Variants in DSP observed in about 807,000 individuals in gnomAD.
DSP encodes the protein desmoplakin.
Under a neutral mutation model 290.6 loss-of-function variants are expected in DSP, and 114 were observed. The ratio of observed to expected loss-of-function variants is 0.39; its 90% CI spans 0.34 to 0.46. DSP has a LOEUF of 0.46. Among genes scored for constraint, DSP ranks in the 20% least tolerant of loss-of-function variants. The probability of loss-of-function intolerance (pLI) is 0.99; values close to 1 mark genes in which losing one functional copy is unlikely to be tolerated. For synonymous variants in DSP, 1,311 were observed against 1,316.4 expected, an observed-to-expected ratio of 1.00 and a Z score of 0.09; for missense variants, 3,230 against 3,495.8, an observed-to-expected ratio of 0.92 and a Z score of 1.92.
At chr6:7,549,979 T>A (rs1198812632) in intron 1 of DSP, among the ~76,000 whole-genome samples, 3 of 152,076 alleles carry the variant, frequency 2.0e-5, no homozygotes, top group Non-Finnish European at 4.4e-5. Context: ...TTTGTCTTGT[T>A]TTTTTGTGTT....
chr6:7,566,955 G>A (rs1758881965), intron 8 of DSP, among the ~76,000 whole-genome samples: 1 of 152,144 alleles, frequency 6.6e-6, no homozygotes. Flanking sequence ...AAGAATCACT[G>A]TCTTGAGCCC....
intron 1 of DSP, among the ~76,000 whole-genome samples, chr6:7,554,125 A>ACACACACACG (rs772041102): frequency 6.9e-6 from 1 of 144,400 alleles, no homozygotes; most frequent in Non-Finnish European, 1.5e-5. Context: ...ACACACACAC[A>ACACACACACG]CCCAGTTGGT....
intron 8 of DSP, among the ~76,000 whole-genome samples, chr6:7,566,991 G>A (rs970914427): frequency 2.0e-5 from 3 of 152,042 alleles, no homozygotes; most frequent in South Asian, 2.1e-4. Context: ...TGGATGCCTC[G>A]AACCTCCCCA....
chr6:7,574,081 G>C lies in DSP; in HGVS notation c.2131-5G>C, dbSNP rs767939332. 3.0e-5 allele frequency: 48 copies of C among 1,613,840 alleles called. No individual in the cohort carries two copies. The highest frequency in any genetic ancestry group is 3.9e-5 in the Non-Finnish European group (46 of 1,179,950). On this transcript the variant is annotated splice_polypyrimidine_tract_variant and splice_region_variant and intron_variant, in intron 15 of 23. Transcript: ENST00000379802. ...ATCAAAAGAGCTTTCCTTCATTTTT[G>C]ACAGAGTGTGCAGAATGATTCACAA...
intron 5 of DSP, among the ~76,000 whole-genome samples, 194 bp downstream of exon 5, chr6:7,562,974 AGAG>A (rs1269782381): frequency 6.6e-6 from 1 of 152,234 alleles, no homozygotes; most frequent in Non-Finnish European, 1.5e-5. Context: ...TAACACTTGA[AGAG>A]GAGTTAAACC....
At position 7,541,828 on chromosome 6, in the gene DSP, G is replaced by A; in HGVS notation, c.-88G>A. 1.4e-6 allele frequency: 2 copies of A among 1,474,270 alleles called. No individual in the cohort carries two copies. The highest frequency in any genetic ancestry group is 1.4e-5 in the African/African-American group (1 of 70,804). The allele number at this position is 1,474,270 out of a possible 1,614,324, so 91.3% of individuals were successfully genotyped here. A position where few individuals can be genotyped will look rare whatever the true frequency, so the allele number is the denominator to read the frequency against. Reference sequence around the variant, plus strand: ...CTCCCGCCCGGTTCCCCGGCCGTCCGCCTATCCTTGGCCCCCTCCGCTTTC... The same window carrying A: ...CTCCCGCCCGGTTCCCCGGCCGTCCACCTATCCTTGGCCCCCTCCGCTTTC... On this transcript the variant is annotated 5_prime_UTR_variant, in exon 1 of 24. Transcript: ENST00000379802.
rs1183241371 is a variant in DSP at position 7,577,803 on chromosome 6, T to C, written c.2902T>C (p.Tyr968His). The part of the protein sequence containing the change: ...IKDYELQLAS[Y>H]TSGLETLLNI... ...GGATTATGAGCTCCAGCTGGCCTCA[T>C]ACACCTCAGGACTGGAAACTCTGCT... Residue 968 changes from tyrosine to histidine, a missense_variant, in exon 21 of 24, where the codon TAC becomes CAC. By Grantham distance (83) the Tyr-to-His change is moderately conservative. Coordinates refer to ENST00000379802, the MANE Select transcript of DSP (RefSeq NM_004415.4). 1.9e-6 allele frequency: 3 copies of C among 1,614,194 alleles called. No homozygotes were observed. The highest frequency in any genetic ancestry group is 2.5e-6 in the Non-Finnish European group (3 of 1,180,018).
At chr6:7,567,474 G>A in intron 9 of DSP, 25 bp downstream of exon 9, 7 of 1,593,520 alleles carry the variant, frequency 4.4e-6, no homozygotes, top group Non-Finnish European at 5.2e-6. Context: ...TGATAATTTT[G>A]TTGTTATTTA....
At chr6:7,563,883 GTTCATC>G in intron 6 of DSP, 97 bp downstream of exon 6, 1 of 1,042,328 alleles carries the variant, frequency 9.6e-7, no homozygotes, top group Non-Finnish European at 1.5e-6. Context: ...GGAGGCACCT[GTTCATC>G]GATGCTAATG....
At chr6:7,561,911 G>T (rs1344990146) in intron 4 of DSP, among the ~76,000 whole-genome samples, 1 of 152,244 alleles carries the variant, frequency 6.6e-6, no homozygotes, top group Non-Finnish European at 1.5e-5. Flanking sequence ...ACTTGCCCCA[G>T]TGTGGAACTG....
chr6:7,550,139 C>G (rs1221788095), intron 1 of DSP, among the ~76,000 whole-genome samples: 1 of 151,990 alleles, frequency 6.6e-6, no homozygotes, highest in East Asian at 1.9e-4. Flanking sequence ...CCAGGTTCAA[C>G]CATCTCATCT....
chr6:7,569,273 A>C lies in DSP; in HGVS notation c.1507A>C (p.Met503Leu). 6.2e-7 allele frequency: 1 copy of C among 1,614,190 alleles called. No individual in the cohort carries two copies. Among genetic ancestry groups the C allele is most frequent in the Non-Finnish European group, 8.5e-7 (1 of 1,180,026 alleles). Residue 503 changes from methionine to leucine, a missense_variant, in exon 12 of 24, where the codon ATG (methionine) becomes CTG (leucine). Met to Leu is a conservative substitution (Grantham distance 15). Around this residue, in one of 5 missense-constraint regions of DSP, gnomAD observed 646 missense variants for 684.3 expected, o/e 0.94. Coordinates refer to ENST00000379802, the MANE Select transcript of DSP (RefSeq NM_004415.4). ...CGTGACGGGCCCGGGAGGCGTTGAC[A>C]TGCTTGTTCCCTCTGTGGGGCTGAT... ...WYVTGPGGVD[M>L]LVPSVGLIIP...
At chr6:7,554,422 C>A (rs938093496) in intron 1 of DSP, among the ~76,000 whole-genome samples, 2 of 152,126 alleles carry the variant, frequency 1.3e-5, no homozygotes, top group Non-Finnish European at 2.9e-5. Flanking sequence ...CCAACACCAC[C>A]GTTGTTTTAA....
In DSP at chr6:7,565,207, T is replaced by C. The variant is rs1758821792; in HGVS notation, c.778-152T>C. 2.0e-6 allele frequency: 2 copies of C among 982,558 alleles called. No individual in the cohort carries two copies. Among genetic ancestry groups the C allele is most frequent in the South Asian group, 2.9e-5 (2 of 69,694 alleles). The allele number at this position is 982,558 out of a possible 1,614,324, so 60.9% of individuals were successfully genotyped here. ...GCAGATTTGGATGGGTCTTTTCCCATACCAGGTGGTCAGTGAATGCACAAG... is the reference window on the plus strand; with the variant it reads ...GCAGATTTGGATGGGTCTTTTCCCACACCAGGTGGTCAGTGAATGCACAAG... On this transcript the variant is annotated intron_variant, in intron 6 of 23. Transcript: ENST00000379802. The surrounding 1 kb of genome is among the most constrained non-coding windows in gnomAD (Gnocchi z 4.2).
intron 1 of DSP, 28 bp from the exon 2 acceptor site, chr6:7,555,690 T>C: frequency 6.2e-7 from 1 of 1,601,886 alleles, no homozygotes; most frequent in Non-Finnish European, 8.6e-7. Flanking sequence ...TTATTTGATG[T>C]CTGGTTTCTC....
intron 2 of DSP, among the ~76,000 whole-genome samples, chr6:7,556,264 A>T (rs1347488296): frequency 6.6e-6 from 1 of 152,156 alleles, no homozygotes; most frequent in Non-Finnish European, 1.5e-5. Flanking sequence ...AAACAGAAAA[A>T]TGGGGAAAAA....
chr6:7,566,453 A>G lies in DSP; in HGVS notation c.1016A>G (p.Asn339Ser), dbSNP rs746245682. 74 of 1,613,904 alleles carry G rather than the reference A, an allele frequency of 4.6e-5. No homozygotes were observed. Among genetic ancestry groups the G allele is most frequent in the Non-Finnish European group, 6.3e-5 (74 of 1,180,026 alleles). The part of the protein sequence containing the change: ...LKQESDQLVL[N>S]QHPASDKIEA... ...CAAGAAAGTGACCAACTTGTCCTCA[A>G]TCAGCATCCAGCTTCAGACAAAATT... Residue 339 changes from asparagine to serine, a missense_variant, in exon 8 of 24, where the codon AAT becomes AGT. Coordinates refer to ENST00000379802, the MANE Select transcript of DSP (RefSeq NM_004415.4).
In DSP at chr6:7,571,836, T is replaced by C; in HGVS notation, c.1904-6T>C. ...TGATTTTTGTGGCCCTAACTTCTTT[T>C]TACAGTGACCACAACTGAAATCACT... On this transcript the variant is annotated splice_polypyrimidine_tract_variant and splice_region_variant and intron_variant, in intron 14 of 23. Transcript: ENST00000379802. 1 of 1,611,534 alleles carries C rather than the reference T, an allele frequency of 6.2e-7. No homozygotes were observed. The highest frequency in any genetic ancestry group is 2.2e-5 in the East Asian group (1 of 44,884).
In DSP at chr6:7,567,862, A is replaced by C. The variant is rs142129767; in HGVS notation, c.1222A>C (p.Asn408His). 1.5e-5 allele frequency: 25 copies of C among 1,614,136 alleles called. 1 individual carries two copies. The African/African-American group carries it at 2.1e-4, about 14-fold the overall frequency. Residue 408 changes from asparagine (N) to histidine (H), a missense_variant, in exon 10 of 24, where the codon AAC becomes CAC. This residue lies in a region of DSP where 646 missense variants were observed against 684.3 expected (regional missense o/e 0.94). Coordinates refer to ENST00000379802, the MANE Select transcript of DSP (RefSeq NM_004415.4). ...SIRKKYPCDK[N>H]MPLQHLLEQI... ...CAGGAAGAAGTACCCCTGCGACAAGAACATGCCCCTGCAGCACCTGCTGGA... is the reference window on the plus strand; with the variant it reads ...CAGGAAGAAGTACCCCTGCGACAAGCACATGCCCCTGCAGCACCTGCTGGA...
Sources: allele counts gnomAD v4.1 joint callset (sites outside exome capture counted in the v4.1 genomes callset), GRCh38; gene constraint gnomAD v4.1.1; regional missense constraint gnomAD v4.1.1; non-coding constraint Gnocchi (gnomAD v3.1); transcripts MANE v1.5; gene names NCBI Gene and HGNC (gene_info 2026-07-23, HGNC 2026-07-21).